Variants in NPHP1 observed in about 807,000 individuals in gnomAD.
The protein encoded by NPHP1 is nephrocystin-1.
Under a neutral mutation model 90.4 loss-of-function variants are expected in NPHP1, and 70 were observed. The ratio of observed to expected loss-of-function variants is 0.77; its 90% CI spans 0.64 to 0.95. The LOEUF is 0.95. NPHP1 is among the 40% of genes least tolerant of loss of function. The probability of loss-of-function intolerance (pLI) is 0.00; values close to 1 mark genes in which losing one functional copy is unlikely to be tolerated. For synonymous variants in NPHP1, 256 were observed against 271.7 expected (o/e 0.94, Z 0.57); for missense variants, 764 against 795.9 (o/e 0.96, Z 0.48).
At chr2:110,191,163 G>GA (rs1684702671) in intron 2 of NPHP1, among the ~76,000 whole-genome samples, 1 of 152,136 alleles carries the variant, frequency 6.6e-6, no homozygotes, top group Admixed American at 6.5e-5. Context: ...ATCAGACAGT[G>GA]GGTGCAGGAA....
chr2:110,201,209 T>C (rs1459679668), intron 2 of NPHP1, among the ~76,000 whole-genome samples: 1 of 152,168 alleles, frequency 6.6e-6, no homozygotes, highest in Non-Finnish European at 1.5e-5. Flanking sequence ...CCTGCCCATG[T>C]CACCTATGTT....
Position 110,123,752 on chromosome 2 carries a change from C to G in NPHP1, c.*39G>C. 1 of 1,606,490 alleles carries G rather than the reference C, an allele frequency of 6.2e-7. No individual in the cohort carries two copies. Among genetic ancestry groups the G allele is most frequent in the Non-Finnish European group, 8.5e-7 (1 of 1,173,962 alleles). ...ATTCACGTAATCGTGGAGGATCCAT[C>G]TGATTCCGTGGGAAGCTGAGGGCTA... On this transcript the variant is annotated 3_prime_UTR_variant, in exon 20 of 20. Transcript: ENST00000445609.
At position 110,163,060 on chromosome 2, in the gene NPHP1, G is replaced by C. The variant is rs757063331; in HGVS notation, c.847C>G (p.Leu283Val). 2.5e-6 allele frequency: 4 copies of C among 1,611,862 alleles called. No homozygotes were observed. The highest frequency in any genetic ancestry group is 3.4e-6 in the Non-Finnish European group (4 of 1,178,080). ...AGFRPSTLSQLLEEGNQFRAN... is the reference protein window; with the variant it reads ...AGFRPSTLSQVLEEGNQFRAN... Reference sequence around the variant, plus strand: ...AGGCACGCATTACCTTCCTCCAGAAGCTGTGAGAGCGTGGAAGGCCTGAAC... The same window carrying C: ...AGGCACGCATTACCTTCCTCCAGAACCTGTGAGAGCGTGGAAGGCCTGAAC... The change falls in exon 9 of 20, where the codon CTT becomes GTT. Residue 283 changes from leucine to valine, a missense_variant. Coordinates refer to ENST00000445609, the MANE Select transcript of NPHP1 (RefSeq NM_001128178.3).
At chr2:110,134,530 GA>G (rs554024174) in intron 16 of NPHP1, among the ~76,000 whole-genome samples, 1,243 of 101,404 alleles carry the variant, frequency 0.012, 16 homozygotes, top group African/African-American at 0.032. Context: ...AATACTACAA[GA>G]AAAAAAAAAA....
chr2:110,189,697 G>A (rs1002658331), intron 2 of NPHP1, among the ~76,000 whole-genome samples: 9 of 152,096 alleles, frequency 5.9e-5, no homozygotes, highest in South Asian at 2.1e-4. Flanking sequence ...AGAGAGCCGA[G>A]TAGTCTGTTC....
At chr2:110,166,717 A>G (rs1337696626) in intron 6 of NPHP1, among the ~76,000 whole-genome samples, 1 of 152,164 alleles carries the variant, frequency 6.6e-6, no homozygotes, top group Non-Finnish European at 1.5e-5. Context: ...TATTTAAGCT[A>G]CTTTTTGGGG....
intron 3 of NPHP1, among the ~76,000 whole-genome samples, chr2:110,179,339 C>T (rs1683724903): frequency 6.6e-6 from 1 of 152,106 alleles, no homozygotes; most frequent in Non-Finnish European, 1.5e-5. Flanking sequence ...TGTAAAACAA[C>T]TCACAAAATG....
At chr2:110,175,397 C>T (rs188418881) in intron 4 of NPHP1, among the ~76,000 whole-genome samples, 10 of 152,236 alleles carry the variant, frequency 6.6e-5, no homozygotes, top group Middle Eastern at 3.4e-3. Flanking sequence ...TACTGCAGAT[C>T]AGTTGACAAA....
chr2:110,163,020 AG>A (rs1461225038), intron 9 of NPHP1, 27 bp downstream of exon 9: 2 of 1,500,926 alleles, frequency 1.3e-6, no homozygotes, highest in Non-Finnish European at 1.9e-6. Context: ...TTGCTGAAAG[AG>A]TGCAGTGGCT....
chr2:110,150,284 C>G, intron 11 of NPHP1, 28 bp from the exon 12 acceptor site: 1 of 1,604,178 alleles, frequency 6.2e-7, no homozygotes, highest in Non-Finnish European at 8.5e-7. Context: ...CTTTTGAAAT[C>G]ATGTAAAAAG....
intron 2 of NPHP1, among the ~76,000 whole-genome samples, chr2:110,187,825 A>G (rs1349490652): frequency 2.0e-5 from 3 of 152,192 alleles, no homozygotes. Flanking sequence ...ACCATGATCA[A>G]GTTGGCTTCA....
intron 4 of NPHP1, among the ~76,000 whole-genome samples, chr2:110,171,681 G>C (rs2104585079): frequency 6.6e-6 from 1 of 152,266 alleles, no homozygotes; most frequent in South Asian, 2.1e-4. Context: ...ATGTGAACTT[G>C]ATAACGGTTT....
chr2:110,184,207 C>G (rs1574171495), intron 2 of NPHP1: 1 of 566,860 alleles, frequency 1.8e-6, no homozygotes, highest in Non-Finnish European at 3.5e-6. Flanking sequence ...ATGGCAGGAG[C>G]CCTTGAAGGT....
chr2:110,168,636 G>A, intron 5 of NPHP1, 83 bp from the exon 6 acceptor site: 1 of 982,318 alleles, frequency 1.0e-6, no homozygotes, highest in South Asian at 1.4e-5. Flanking sequence ...CAAAATATGT[G>A]CTGAAAAAAA....
At chr2:110,129,376 C>T (rs2104429491) in intron 17 of NPHP1, 117 bp from the exon 18 acceptor site, 1 of 802,878 alleles carries the variant, frequency 1.2e-6, no homozygotes, top group Admixed American at 2.0e-5. Flanking sequence ...GTTGATAACA[C>T]ATTCTACACA....
chr2:110,163,491 T>C (rs1682496176), intron 8 of NPHP1: 2 of 299,420 alleles, frequency 6.7e-6, no homozygotes, highest in Admixed American at 4.3e-5. Context: ...GAAGAATTAA[T>C]GGATTTTTTT....
At chr2:110,178,123 AACATTG>A in intron 4 of NPHP1, 2 of 452,202 alleles carry the variant, frequency 4.4e-6, no homozygotes, top group South Asian at 3.7e-5. Flanking sequence ...TTTACACATC[AACATTG>A]ACATTAAATA....
chr2:110,189,981 C>T (rs1684587922), intron 2 of NPHP1, among the ~76,000 whole-genome samples: 1 of 152,140 alleles, frequency 6.6e-6, no homozygotes, highest in Non-Finnish European at 1.5e-5. Flanking sequence ...TCCAAGGCTC[C>T]ACCAGAGTAG....
rs888792032 is a variant in NPHP1, at chr2:110,155,100, A to G, written c.1084-4844T>C. Among the ~76,000 whole-genome samples the G allele has an allele frequency of 4.6e-5, 7 of 152,156 alleles. No homozygotes were observed. In the East Asian group the frequency reaches 1.4e-3, roughly 29 times the overall value. On this transcript the variant is annotated intron_variant, in intron 11 of 19. Coordinates refer to ENST00000445609, the MANE Select transcript of NPHP1 (RefSeq NM_001128178.3). ...CTAGGGACTTGGTGCCCTGTGTCCC[A>G]GCCACTCCAGCTGTGACTAAAAGGG...
Sources: allele counts gnomAD v4.1 joint callset (sites outside exome capture counted in the v4.1 genomes callset), GRCh38; gene constraint gnomAD v4.1.1; transcripts MANE v1.5; gene names NCBI Gene and HGNC (gene_info 2026-07-23, HGNC 2026-07-21).